Variants in SMC2 observed in about 807,000 individuals in gnomAD.
SMC2 encodes structural maintenance of chromosomes 2.
In SMC2, 41 loss-of-function variants were observed where a neutral mutation model predicts 142.6. The ratio of observed to expected loss-of-function variants is 0.29; its 90% CI spans 0.22 to 0.37. The LOEUF (loss-of-function observed/expected upper bound fraction) is 0.37. Ranked by LOEUF, SMC2 falls within the 10% of genes least tolerant of loss-of-function variation. The probability of loss-of-function intolerance (pLI) is 1.00; values close to 1 mark genes in which losing one functional copy is unlikely to be tolerated. For synonymous variants in SMC2, 463 were observed against 457.5 expected, an observed-to-expected ratio of 1.01 and a Z score of -0.15; for missense variants, 1,265 against 1,373.7, an observed-to-expected ratio of 0.92 and a Z score of 1.25.
chr9:104,106,271 CAAAA>C (rs1831766024), intron 9 of SMC2, among the ~76,000 whole-genome samples: 1 of 151,960 alleles, frequency 6.6e-6, no homozygotes, highest in Non-Finnish European at 1.5e-5. Context: ...GATGAAGTAT[CAAAA>C]AAAGACATAT....
chr9:104,122,694 A>C (rs1202704788), intron 16 of SMC2, among the ~76,000 whole-genome samples: 1 of 152,130 alleles, frequency 6.6e-6, no homozygotes, highest in African/African-American at 2.4e-5. Flanking sequence ...CATTATTATT[A>C]TTTTTAACAT....
At position 104,113,972 on chromosome 9, in the gene SMC2, G is replaced by A; in HGVS notation, c.1423G>A (p.Glu475Lys). ...TATGATTTATCCTTCAGAAAATAAA[G>A]AGGAAAGCCTTTTGGAAAAGCGCAG... ...MKKLNYEENK[E>K]ESLLEKRRQL... is the part of the protein sequence containing the mutation. Residue 475 changes from glutamate to lysine, a missense_variant, in exon 12 of 25, where the codon GAG becomes AAG. Glu to Lys is a moderately conservative substitution (Grantham distance 56). Coordinates refer to ENST00000374793, the MANE Select transcript of SMC2 (RefSeq NM_006444.3). 1 of 1,568,298 alleles carries A rather than the reference G, an allele frequency of 6.4e-7. No individual in the cohort carries two copies. The highest frequency in any genetic ancestry group is 1.2e-5 in the South Asian group (1 of 83,308).
At chr9:104,097,257 C>T (rs757253966) in intron 3 of SMC2, among the ~76,000 whole-genome samples, 10 of 149,572 alleles carry the variant, frequency 6.7e-5, no homozygotes, top group Middle Eastern at 3.4e-3. Flanking sequence ...CCACCACACC[C>T]GGCTAATTTT....
intron 16 of SMC2, among the ~76,000 whole-genome samples, chr9:104,122,040 A>G (rs1026662130): frequency 6.6e-6 from 1 of 152,200 alleles, no homozygotes; most frequent in Non-Finnish European, 1.5e-5. Context: ...AAAGGCCTGC[A>G]TTTTACCTTC....
At chr9:104,122,216 G>A (rs1263956903) in intron 16 of SMC2, among the ~76,000 whole-genome samples, 1 of 152,050 alleles carries the variant, frequency 6.6e-6, no homozygotes, top group Non-Finnish European at 1.5e-5. Context: ...CATTTATTCT[G>A]CAGAATTGAA....
intron 9 of SMC2, among the ~76,000 whole-genome samples, chr9:104,111,113 C>T (rs1001789583): frequency 6.6e-6 from 1 of 152,148 alleles, no homozygotes; most frequent in Non-Finnish European, 1.5e-5. Context: ...GGTAGTATTA[C>T]TTAAAAGGTG....
intron 3 of SMC2, 139 bp downstream of exon 3, chr9:104,096,436 G>A (rs749492741): frequency 7.2e-6 from 5 of 695,152 alleles, no homozygotes; most frequent in Admixed American, 2.6e-5. Context: ...ATTCCTTAAT[G>A]TCTTCCTTAT....
Position 104,114,034 on chromosome 9 carries a change from A to C in SMC2, c.1485A>C (p.Thr495=). The change falls in exon 12 of 25, where the codon ACA becomes ACC. Residue 495 remains threonine (T), a synonymous_variant. Transcript: ENST00000374793. ...LSRDIGRLKE[T]YEALLARFPN... ...GTGATATTGGTAGATTGAAAGAAAC[A>C]TATGAAGCTCTATTAGCCAGATTTC... 3 of 1,601,702 alleles carry C rather than the reference A, an allele frequency of 1.9e-6. No individual in the cohort carries two copies. Among genetic ancestry groups the C allele is most frequent in the Non-Finnish European group, 2.6e-6 (3 of 1,176,364 alleles).
chr9:104,117,441 A>G (rs1316809503), intron 14 of SMC2, among the ~76,000 whole-genome samples: 1 of 152,230 alleles, frequency 6.6e-6, no homozygotes, highest in African/African-American at 2.4e-5. Flanking sequence ...GGGCAGAGGT[A>G]GCCTCTATAA....
At chr9:104,120,250 C>T in intron 16 of SMC2, 88 bp downstream of exon 16, 3 of 1,205,440 alleles carry the variant, frequency 2.5e-6, no homozygotes, top group South Asian at 3.3e-5. Context: ...AATACAGCTT[C>T]TGACTTTTCT....
chr9:104,141,399 A>G lies in SMC2; in HGVS notation c.*2084A>G, dbSNP rs998018666. On this transcript the variant is annotated 3_prime_UTR_variant, in exon 25 of 25. Coordinates refer to ENST00000374793, the MANE Select transcript of SMC2 (RefSeq NM_006444.3). ...GCTTGAACATTTGTATTTATTGTAC[A>G]GAATAAATTTAAGAAAAATACCTGT... 1 of 152,204 alleles carries G rather than the reference A, an allele frequency of 6.6e-6. No homozygotes were observed. The highest frequency in any genetic ancestry group is 2.4e-5 in the African/African-American group (1 of 41,452). 9.4% of individuals were successfully genotyped at this position (152,204 alleles called of 1,614,324 possible).
At chr9:104,113,535 CTAATT>C (rs1351722770) in intron 11 of SMC2, 60 bp downstream of exon 11, 3 of 1,368,220 alleles carry the variant, frequency 2.2e-6, no homozygotes, top group Non-Finnish European at 2.9e-6. Flanking sequence ...TGATAAAAAG[CTAATT>C]TAAATAAAGA....
chr9:104,127,168 C>T, intron 19 of SMC2, 118 bp from the exon 20 acceptor site: 2 of 711,580 alleles, frequency 2.8e-6, no homozygotes, highest in Middle Eastern at 4.1e-4. Flanking sequence ...AGGTGATCAT[C>T]TCTCTGCCTG....
intron 10 of SMC2, among the ~76,000 whole-genome samples, chr9:104,112,784 C>T (rs1172744129): frequency 6.6e-6 from 1 of 152,058 alleles, no homozygotes; most frequent in Non-Finnish European, 1.5e-5. Context: ...TCTTGAAGGC[C>T]TGACACATGT....
At chr9:104,125,714 G>C (rs182330957) in intron 18 of SMC2, among the ~76,000 whole-genome samples, 1 of 152,098 alleles carries the variant, frequency 6.6e-6, no homozygotes, top group African/African-American at 2.4e-5. Flanking sequence ...GGAAGACAAA[G>C]CATGTTATAT....
intron 13 of SMC2, among the ~76,000 whole-genome samples, chr9:104,115,815 A>T (rs1833041024): frequency 6.6e-6 from 1 of 152,116 alleles, no homozygotes; most frequent in South Asian, 2.1e-4. Flanking sequence ...ATCCTACCCA[A>T]CTGCAAATAT....
upstream of SMC2, among the ~76,000 whole-genome samples, chr9:104,093,751 T>G (rs1830152384): frequency 6.6e-6 from 1 of 152,064 alleles, no homozygotes; most frequent in Non-Finnish European, 1.5e-5. Context: ...CTCCCCGAGG[T>G]CCGAGGCCAG....
chr9:104,091,329 TTG>T (rs564178054), upstream of SMC2, among the ~76,000 whole-genome samples: 59 of 152,306 alleles, frequency 3.9e-4, no homozygotes, highest in African/African-American at 1.4e-3. Context: ...TAACACAATG[TTG>T]TGTTTGTGTT....
At chr9:104,097,113 G>C (rs1438363437) in intron 3 of SMC2, among the ~76,000 whole-genome samples, 4 of 135,746 alleles carry the variant, frequency 2.9e-5, no homozygotes, top group Admixed American at 2.2e-4. Context: ...TTTTCAGCTT[G>C]TCAAGGTTTT....
Sources: gnomAD v4.1 joint callset for allele counts (sites outside exome capture counted in the v4.1 genomes callset) on GRCh38, gnomAD v4.1.1 for gene constraint, MANE v1.5 for transcripts, NCBI Gene and HGNC (gene_info 2026-07-23, HGNC 2026-07-21) for gene names.